The following CRACD variants were observed in gnomAD, a reference collection of about 807,000 sequenced individuals.
The protein encoded by CRACD is capping protein inhibiting regulator of actin dynamics.
Under a neutral mutation model 106.8 loss-of-function variants are expected in CRACD, and 56 were observed. That is an observed-to-expected ratio of 0.52 (90% CI 0.42 to 0.66). The LOEUF is 0.66. Ranked by LOEUF, CRACD falls within the 30% of genes least tolerant of loss-of-function variation. The pLI, the probability that CRACD is intolerant of heterozygous loss-of-function variation, is 0.00. For missense variants in CRACD, 1,730 were observed against 1,623.2 expected, an observed-to-expected ratio of 1.07 and a Z score of -1.13; for synonymous variants, 754 against 670.8, an observed-to-expected ratio of 1.12 and a Z score of -1.92.
intron 1 of CRACD, among the ~76,000 whole-genome samples, chr4:56,085,788 T>C (rs1412989315): frequency 6.6e-6 from 1 of 152,158 alleles, no homozygotes; most frequent in African/African-American, 2.4e-5. Context: ...AGAAGGAGCT[T>C]GAACTGACAA....
At chr4:56,157,893 A>G (rs1315535708) in intron 1 of CRACD, among the ~76,000 whole-genome samples, 1 of 152,116 alleles carries the variant, frequency 6.6e-6, no homozygotes, top group Non-Finnish European at 1.5e-5. Context: ...CCCAGAGTCA[A>G]ACTTGAAGTT....
chr4:56,325,503 G>A (rs1187925303), intron 10 of CRACD, among the ~76,000 whole-genome samples: 3 of 152,178 alleles, frequency 2.0e-5, no homozygotes, highest in Non-Finnish European at 4.4e-5. Flanking sequence ...TTCACGCAGC[G>A]GGTTTCTGAT....
rs144300512 is a variant in CRACD at position 56,249,720 on chromosome 4, G to C, written c.-188-22601G>C. On this transcript the variant is annotated intron_variant, in intron 2 of 10. Coordinates refer to ENST00000682029, the MANE Select transcript of CRACD (RefSeq NM_001393381.1). ...GCCTATCTATTAGCTCTTTACACCA[G>C]AGCCTTGCACCCACCTGCCGAGTTT... Among the ~76,000 whole-genome samples the C allele has an allele frequency of 6.2e-3, 946 of 152,214 alleles. 12 individuals are homozygous for C. Among genetic ancestry groups the C allele is most frequent in the Middle Eastern group, 0.017 (5 of 294 alleles).
intron 2 of CRACD, among the ~76,000 whole-genome samples, chr4:56,183,424 C>A (rs1736940251): frequency 1.3e-5 from 2 of 152,144 alleles, no homozygotes; most frequent in South Asian, 4.1e-4. Flanking sequence ...AACTCTAGAA[C>A]CTTATTTTAG....
chr4:56,101,217 T>G (rs925334122), intron 1 of CRACD, among the ~76,000 whole-genome samples: 1 of 152,140 alleles, frequency 6.6e-6, no homozygotes, highest in Non-Finnish European at 1.5e-5. Flanking sequence ...CAAAATTGAC[T>G]TAGGAAAACA....
rs147168321 is a variant in CRACD, at chr4:56,065,685, C to T, written c.-336+16386C>T. On this transcript the variant is annotated intron_variant, in intron 1 of 10. Transcript: ENST00000682029. ...TTATTTTTAATTGTGGTGAAATATA[C>T]ATGACATACACTTTACTATTTTACC... 1.4e-4 allele frequency among the ~76,000 whole-genome samples: 22 copies of T among 152,278 alleles called. 1 individual carries two copies. The East Asian group carries it at 4.2e-3, about 29-fold the overall frequency.
intron 2 of CRACD, among the ~76,000 whole-genome samples, chr4:56,260,875 GTC>G (rs1560506814): frequency 6.7e-6 from 1 of 149,872 alleles, no homozygotes; most frequent in African/African-American, 2.5e-5. Context: ...CTATCTGTCT[GTC>G]TGTGTATCCA....
chr4:56,324,352 G>A, intron 10 of CRACD, 86 bp downstream of exon 10: 2 of 1,276,968 alleles, frequency 1.6e-6, no homozygotes, highest in South Asian at 3.2e-5. Flanking sequence ...GTAATGACTA[G>A]CAGAGCACCT....
chr4:56,177,109 G>A (rs1207277963), intron 1 of CRACD, among the ~76,000 whole-genome samples: 2 of 152,112 alleles, frequency 1.3e-5, no homozygotes, highest in African/African-American at 4.8e-5. Flanking sequence ...AATAAAAGTG[G>A]TGAAACTGGG....
intron 2 of CRACD, among the ~76,000 whole-genome samples, chr4:56,255,133 A>AAAAAAAAAT (rs60416477): frequency 2.9e-5 from 4 of 138,808 alleles, no homozygotes; most frequent in East Asian, 2.3e-4. Context: ...AAAAAAAAAA[A>AAAAAAAAAT]ACTAAAAATT....
chr4:56,153,373 G>T (rs1028942947), intron 1 of CRACD, among the ~76,000 whole-genome samples: 1 of 152,096 alleles, frequency 6.6e-6, no homozygotes, highest in African/African-American at 2.4e-5. Flanking sequence ...ACCCTCTTCA[G>T]GCGAGAAACC....
chr4:56,075,049 G>C (rs185330210), intron 1 of CRACD, among the ~76,000 whole-genome samples: 2 of 152,298 alleles, frequency 1.3e-5, no homozygotes, highest in East Asian at 3.9e-4. Context: ...CTTGATCGTG[G>C]TGGATAAGCT....
Position 56,315,220 on chromosome 4 carries a change from CA to C in CRACD, c.1721del (p.Lys574ArgfsTer16). ...GGGCTCACCGCTGCTCCCCAGGAAC[CA>C]AAGGCCCCCAAAGCCAGCCCAGTCC... is the stretch of plus-strand genomic sequence containing the variant. ...DTGLTAAPQE[P>X]KAPKASPVQH... On this transcript the variant is annotated frameshift_variant, in exon 8 of 11. Transcript: ENST00000682029. LOFTEE classifies it high-confidence loss of function. This position sits in a 1 kb window ranked among gnomAD's most constrained non-coding sequence, Gnocchi z 4.1. The C allele has an allele frequency of 6.3e-7, 1 of 1,594,188 alleles. No homozygotes were observed. The highest frequency in any genetic ancestry group is 8.5e-7 in the Non-Finnish European group (1 of 1,170,264).
intron 1 of CRACD, among the ~76,000 whole-genome samples, chr4:56,072,087 C>T (rs1301607507): frequency 6.8e-6 from 1 of 146,220 alleles, no homozygotes. Context: ...GAGATCGCGC[C>T]ACTGCACTCC....
intron 1 of CRACD, among the ~76,000 whole-genome samples, chr4:56,071,377 T>C (rs970095049): frequency 6.6e-6 from 1 of 152,184 alleles, no homozygotes; most frequent in Non-Finnish European, 1.5e-5. Context: ...ATTCTTCTTG[T>C]TTTTGTCTTG....
At position 56,072,935 on chromosome 4, in the gene CRACD, G is replaced by A. The variant is rs566492691; in HGVS notation, c.-336+23636G>A. Among the ~76,000 whole-genome samples, 13 of 152,088 alleles carry A rather than the reference G, an allele frequency of 8.5e-5. No homozygotes were observed. In the East Asian group the frequency reaches 1.5e-3, roughly 18 times the overall value. On this transcript the variant is annotated intron_variant, in intron 1 of 10. Coordinates refer to ENST00000682029, the MANE Select transcript of CRACD (RefSeq NM_001393381.1). Reference sequence around the variant, plus strand: ...CCATGTCCCTGCAAAGGACATGAACGCATTCTTTTTTATGGCTGCATAGTA... The same window carrying A: ...CCATGTCCCTGCAAAGGACATGAACACATTCTTTTTTATGGCTGCATAGTA...
intron 1 of CRACD, among the ~76,000 whole-genome samples, chr4:56,117,530 G>A (rs988997170): frequency 2.2e-4 from 33 of 151,966 alleles, no homozygotes; most frequent in African/African-American, 8.0e-4. Context: ...GGTGGGGGGA[G>A]GAAAATGGGG....
chr4:56,145,533 C>T (rs1224951940), intron 1 of CRACD, among the ~76,000 whole-genome samples: 2 of 152,158 alleles, frequency 1.3e-5, no homozygotes, highest in South Asian at 2.1e-4. Context: ...TTCAAAGAAT[C>T]AGCTCTTAGT....
chr4:56,181,559 A>G (rs973530927), intron 2 of CRACD, among the ~76,000 whole-genome samples: 18 of 152,340 alleles, frequency 1.2e-4, no homozygotes, highest in African/African-American at 3.4e-4. Flanking sequence ...AAATTAGGCA[A>G]ACAGAGCTTA....
Sources: allele counts gnomAD v4.1 joint callset (sites outside exome capture counted in the v4.1 genomes callset), GRCh38; gene constraint gnomAD v4.1.1; non-coding constraint Gnocchi (gnomAD v3.1); transcripts MANE v1.5; gene names NCBI Gene and HGNC (gene_info 2026-07-23, HGNC 2026-07-21).